RAB25: variants seen among roughly 807,000 people sequenced by gnomAD.
RAB25 encodes ras-related protein Rab-25.
A neutral mutation model predicts 25.2 loss-of-function variants in RAB25; 23 were observed. That is an observed-to-expected ratio of 0.91 (90% confidence interval 0.66 to 1.29). The LOEUF (loss-of-function observed/expected upper bound fraction) is 1.29, where lower values mean the gene tolerates loss of function less well. Among genes scored for constraint, RAB25 ranks in the 50% most tolerant of loss-of-function variants. The pLI is 0.00. For synonymous variants in RAB25, 102 were observed against 111.5 expected, an observed-to-expected ratio of 0.91 and a Z score of 0.54; for missense variants, 244 against 277.3, an observed-to-expected ratio of 0.88 and a Z score of 0.85.
At chr1:156,066,521 G>A (rs1232240809) in intron 2 of RAB25, among the ~76,000 whole-genome samples, 3 of 152,126 alleles carry the variant, frequency 2.0e-5, no homozygotes, top group African/African-American at 7.2e-5. Flanking sequence ...CCTCACTTCC[G>A]CACAATGCTC....
intron 3 of RAB25, among the ~76,000 whole-genome samples, chr1:156,068,897 C>A (rs1647829558): frequency 6.6e-6 from 1 of 151,430 alleles, no homozygotes; most frequent in Non-Finnish European, 1.5e-5. Flanking sequence ...TCGTGTTGAC[C>A]AGGCTGGTCT....
At chr1:156,068,175 T>C in intron 2 of RAB25, 95 bp from the exon 3 acceptor site, 1 of 1,140,616 alleles carries the variant, frequency 8.8e-7, no homozygotes. Flanking sequence ...TCTCTAGTAC[T>C]CTGATCCCGG....
chr1:156,064,747 A>G (rs1192631659), intron 1 of RAB25, among the ~76,000 whole-genome samples: 1 of 152,142 alleles, frequency 6.6e-6, no homozygotes, highest in Non-Finnish European at 1.5e-5. Context: ...AGGCCTTTAT[A>G]AGTTGTATAA....
rs1647875065 is a variant in RAB25, at chr1:156,070,469, A to G, written c.*182A>G. ...CCTCTTTTATCTGTCCACCCCTCACAGACTAGGACCCTCAAATAAAGCTGT... is the reference window on the plus strand; with the variant it reads ...CCTCTTTTATCTGTCCACCCCTCACGGACTAGGACCCTCAAATAAAGCTGT... On this transcript the variant is annotated 3_prime_UTR_variant, in exon 5 of 5. Coordinates refer to ENST00000361084, the MANE Select transcript of RAB25 (RefSeq NM_020387.4). 3 of 753,888 alleles carry G rather than the reference A, an allele frequency of 4.0e-6. No individual in the cohort carries two copies. In the East Asian group the frequency reaches 8.3e-5, roughly 21 times the overall value. 46.7% of individuals were successfully genotyped at this position (753,888 alleles called of 1,614,324 possible). A position where few individuals can be genotyped will look rare whatever the true frequency, so the allele number is the denominator to read the frequency against.
chr1:156,069,785 C>T, intron 4 of RAB25, 34 bp downstream of exon 4: 5 of 1,549,308 alleles, frequency 3.2e-6, no homozygotes, highest in Non-Finnish European at 4.5e-6. Context: ...ACCCCTATTC[C>T]ATCCCCGTGG....
chr1:156,061,872 C>T (rs1647589479), intron 1 of RAB25, among the ~76,000 whole-genome samples: 1 of 152,168 alleles, frequency 6.6e-6, no homozygotes. Flanking sequence ...GCAACCTCCA[C>T]CTCCTGGGTT....
intron 1 of RAB25, among the ~76,000 whole-genome samples, chr1:156,065,409 C>G (rs1487337265): frequency 6.6e-6 from 1 of 152,146 alleles, no homozygotes; most frequent in Non-Finnish European, 1.5e-5. Context: ...CAAACTTTCT[C>G]CTTACCCACA....
chr1:156,062,838 A>G, intron 1 of RAB25, among the ~76,000 whole-genome samples: 1 of 151,862 alleles, frequency 6.6e-6, no homozygotes, highest in Admixed American at 6.6e-5. Flanking sequence ...GGGATCACTT[A>G]AGGTCTGGAG....
chr1:156,063,899 C>G (rs1048356504), intron 1 of RAB25, among the ~76,000 whole-genome samples: 1 of 152,228 alleles, frequency 6.6e-6, no homozygotes, highest in Non-Finnish European at 1.5e-5. Context: ...AAGCTTTTAA[C>G]GACACTGCCT....
chr1:156,063,052 TAAAAAAA>T (rs1158919173), intron 1 of RAB25, among the ~76,000 whole-genome samples: 7 of 67,924 alleles, frequency 1.0e-4, no homozygotes, highest in Admixed American at 8.6e-4. Context: ...AGACTCTGTC[TAAAAAAA>T]AAAAAAAAAA....
At chr1:156,069,926 G>A (rs1370270211) in intron 4 of RAB25, 175 bp downstream of exon 4, 2 of 839,478 alleles carry the variant, frequency 2.4e-6, no homozygotes, top group Non-Finnish European at 3.9e-6. Context: ...TCAGTCTGGA[G>A]CTCAGGGAGG....
At chr1:156,068,137 C>T in intron 2 of RAB25, 133 bp from the exon 3 acceptor site, 1 of 806,938 alleles carries the variant, frequency 1.2e-6, no homozygotes, top group Non-Finnish European at 2.0e-6. Context: ...GTTCTGGGCC[C>T]CTGGCCGCAA....
At chr1:156,066,185 G>T (rs1308411497) in intron 2 of RAB25, 79 bp downstream of exon 2, 17 of 1,311,082 alleles carry the variant, frequency 1.3e-5, no homozygotes, top group Non-Finnish European at 1.6e-5. Context: ...AGAAGTGGGG[G>T]AGGAGGAGGC....
intron 2 of RAB25, among the ~76,000 whole-genome samples, chr1:156,067,866 C>T (rs1301991397): frequency 6.6e-6 from 1 of 152,210 alleles, no homozygotes; most frequent in Non-Finnish European, 1.5e-5. Flanking sequence ...AATTCTCCTG[C>T]CTCAGCCTTC....
chr1:156,069,139 T>G (rs1647835213), intron 3 of RAB25, among the ~76,000 whole-genome samples: 1 of 152,190 alleles, frequency 6.6e-6, no homozygotes, highest in African/African-American at 2.4e-5. Flanking sequence ...CATCTGCTCT[T>G]GGCCAGTTAC....
In RAB25 at chr1:156,069,848, T is replaced by C. The variant is rs1027677740; in HGVS notation, c.514+97T>C. The C allele has an allele frequency of 1.4e-5, 16 of 1,139,906 alleles. No homozygotes were observed. In the Admixed American group the frequency reaches 2.6e-4, roughly 18 times the overall value. The allele number at this position is 1,139,906 out of a possible 1,614,324, so 70.6% of individuals were successfully genotyped here. A position where few individuals can be genotyped will look rare whatever the true frequency, so the allele number is the denominator to read the frequency against. On this transcript the variant is annotated intron_variant, in intron 4 of 4. Transcript: ENST00000361084. The stretch of plus-strand genomic sequence containing the variant: ...ACACTCAGCCCTCACCCCAGCTAAT[T>C]TCTCAGCTCCTCTGTGGGTCCTGGC...
intron 3 of RAB25, 105 bp downstream of exon 3, chr1:156,068,568 T>C (rs530496960): frequency 9.0e-7 from 1 of 1,115,398 alleles, no homozygotes; most frequent in South Asian, 1.4e-5. Context: ...AGCCTGGCCT[T>C]CCTCCATACA....
In RAB25 at chr1:156,068,301, G is replaced by A. The variant is rs2275074; in HGVS notation, c.271G>A (p.Val91Met). The A allele has an allele frequency of 9.1e-5, 147 of 1,613,770 alleles. 3 individuals are homozygous for A. In the East Asian group the frequency reaches 3.3e-3, roughly 36 times the overall value. Residue 91 changes from valine (V) to methionine (M), a missense_variant, in exon 3 of 5, where the codon GTG (valine) becomes ATG (methionine). Transcript: ENST00000361084. ...TCGTGGTGCAGTGGGGGCCCTCCTG[G>A]TGTTTGACCTAACCAAGCACCAGAC... ...YYRGAVGALL[V>M]FDLTKHQTYA...
chr1:156,066,963 C>T (rs1163582658), intron 2 of RAB25, among the ~76,000 whole-genome samples: 3 of 143,676 alleles, frequency 2.1e-5, no homozygotes, highest in African/African-American at 7.9e-5. Context: ...CAGCTGGGCG[C>T]GGTAGCTCAC....
Sources: allele counts gnomAD v4.1 joint callset (sites outside exome capture counted in the v4.1 genomes callset), GRCh38; gene constraint gnomAD v4.1.1; transcripts MANE v1.5; gene names NCBI Gene and HGNC (gene_info 2026-07-23, HGNC 2026-07-21).